The following ARFIP1 variants were observed in gnomAD, a reference collection of about 807,000 sequenced individuals.
ARFIP1 encodes ARF interacting protein 1.
Under a neutral mutation model 42.5 loss-of-function variants are expected in ARFIP1, and 24 were observed. The ratio of observed to expected loss-of-function variants is 0.57; its 90% CI spans 0.41 to 0.80. The LOEUF (loss-of-function observed/expected upper bound fraction) is 0.80. Among genes scored for constraint, ARFIP1 ranks in the 30% least tolerant of loss-of-function variants. The probability of loss-of-function intolerance (pLI) is 0.00; values close to 1 mark genes in which losing one functional copy is unlikely to be tolerated. For synonymous variants in ARFIP1, 141 were observed against 153.7 expected (o/e 0.92, Z 0.61); for missense variants, 354 against 434.0 (o/e 0.82, Z 1.64).
At chr4:152,879,870 A>G (rs1340005218) in intron 5 of ARFIP1, among the ~76,000 whole-genome samples, 1 of 152,062 alleles carries the variant, frequency 6.6e-6, no homozygotes. Context: ...AAACAAAACA[A>G]AAAATTGTAG....
chr4:152,837,135 T>C (rs1731716369), intron 2 of ARFIP1, among the ~76,000 whole-genome samples: 1 of 152,220 alleles, frequency 6.6e-6, no homozygotes, highest in Non-Finnish European at 1.5e-5. Flanking sequence ...CTGTGTAATA[T>C]TGCATCATAT....
At chr4:152,880,500 C>T (rs1735747880) in intron 5 of ARFIP1, among the ~76,000 whole-genome samples, 2 of 152,016 alleles carry the variant, frequency 1.3e-5, no homozygotes, top group African/African-American at 4.8e-5. Flanking sequence ...TCCTTCCTTC[C>T]TGTTTCTTCT....
intron 8 of ARFIP1, among the ~76,000 whole-genome samples, chr4:152,903,973 TAC>T (rs974823970): frequency 2.6e-5 from 4 of 152,108 alleles, no homozygotes; most frequent in African/African-American, 2.4e-5. Flanking sequence ...GCAAGGCCAG[TAC>T]ATGAATTAAA....
chr4:152,865,621 A>T (rs925182557), intron 3 of ARFIP1, among the ~76,000 whole-genome samples: 1 of 152,104 alleles, frequency 6.6e-6, no homozygotes, highest in Admixed American at 6.5e-5. Flanking sequence ...TTCTCTTTTC[A>T]TACTTATGTT....
At chr4:152,808,213 C>T (rs1729139207) in intron 1 of ARFIP1, among the ~76,000 whole-genome samples, 1 of 148,876 alleles carries the variant, frequency 6.7e-6, no homozygotes, top group African/African-American at 2.5e-5. Context: ...CTCCCGACCT[C>T]AGGTGATCTT....
At chr4:152,831,745 TGTTGCTTATAGCA>T (rs1731255707) in intron 2 of ARFIP1, among the ~76,000 whole-genome samples, 1 of 152,226 alleles carries the variant, frequency 6.6e-6, no homozygotes, top group African/African-American at 2.4e-5. Flanking sequence ...TCAGTCATAT[TGTTGCTTATAGCA>T]GTTTTTCTAT....
rs771661005 is a variant in ARFIP1 at position 152,847,124 on chromosome 4, C to CTTTTTTTTTTTTTTTTTTTTTTT, written c.94-16480_94-16458dup. On this transcript the variant is annotated intron_variant, in intron 2 of 8. Transcript: ENST00000353617. ...GTATGTTAATGTTTTTAGGTTTGTT[C>CTTTTTTTTTTTTTTTTTTTTTTT]TTTTTTTTTTTTTTTTTTTTTTTTG... Among the ~76,000 whole-genome samples, 127 of 40,552 alleles carry CTTTTTTTTTTTTTTTTTTTTTTT rather than the reference C, an allele frequency of 3.1e-3. 37 individuals carry two copies. Among genetic ancestry groups the CTTTTTTTTTTTTTTTTTTTTTTT allele is most frequent in the South Asian group, 4.9e-3 (4 of 814 alleles). The allele number at this position is 40,552 out of a possible 152,430, so 26.6% of individuals were successfully genotyped here.
At chr4:152,799,268 A>G (rs1043657434) in intron 1 of ARFIP1, among the ~76,000 whole-genome samples, 6 of 152,248 alleles carry the variant, frequency 3.9e-5, no homozygotes, top group Non-Finnish European at 8.8e-5. Context: ...CTGAATACAA[A>G]TAAATTAGTT....
Position 152,851,660 on chromosome 4 carries a change from G to T in ARFIP1, c.94-11946G>T, listed in dbSNP as rs562181343. ...CTGTCTCTGTCTAGTTTGAAGAATTGATTGCGGGACTGACAGTACTAGAGA... is the reference window on the plus strand; with the variant it reads ...CTGTCTCTGTCTAGTTTGAAGAATTTATTGCGGGACTGACAGTACTAGAGA... On this transcript the variant is annotated intron_variant, in intron 2 of 8. Transcript: ENST00000353617. Among the ~76,000 whole-genome samples, 16 of 152,304 alleles carry T rather than the reference G, an allele frequency of 1.1e-4. No homozygotes were observed. The South Asian group carries it at 1.2e-3, about 12-fold the overall frequency.
intron 1 of ARFIP1, among the ~76,000 whole-genome samples, chr4:152,824,736 G>A (rs1418303043): frequency 6.6e-6 from 1 of 152,134 alleles, no homozygotes; most frequent in Non-Finnish European, 1.5e-5. Flanking sequence ...ATCCAAATTG[G>A]AAAAGAGGAA....
chr4:152,783,630 A>G (rs746312905), intron 1 of ARFIP1, among the ~76,000 whole-genome samples: 7 of 152,198 alleles, frequency 4.6e-5, no homozygotes, highest in African/African-American at 1.4e-4. Flanking sequence ...GACAACTTCT[A>G]CCATGCGTCC....
chr4:152,889,790 T>C (rs28582801), intron 8 of ARFIP1, among the ~76,000 whole-genome samples: 42 of 20,732 alleles, frequency 2.0e-3, no homozygotes, highest in East Asian at 0.014. Context: ...ATACTATATA[T>C]TATATACTAT....
chr4:152,792,525 C>T (rs888039261), intron 1 of ARFIP1, among the ~76,000 whole-genome samples: 1 of 152,080 alleles, frequency 6.6e-6, no homozygotes, highest in Admixed American at 6.5e-5. Flanking sequence ...TATATGAGTA[C>T]CTGAATTTGA....
intron 2 of ARFIP1, among the ~76,000 whole-genome samples, chr4:152,848,289 T>TA (rs1306890252): frequency 6.6e-6 from 1 of 152,206 alleles, no homozygotes; most frequent in Non-Finnish European, 1.5e-5. Flanking sequence ...TTTTGGCACT[T>TA]ACTACCAAAG....
chr4:152,783,338 A>G (rs1283410258), intron 1 of ARFIP1, among the ~76,000 whole-genome samples: 1 of 152,212 alleles, frequency 6.6e-6, no homozygotes, highest in Admixed American at 6.5e-5. Flanking sequence ...AGACTAGCTT[A>G]TGCTAAATTA....
intron 8 of ARFIP1, among the ~76,000 whole-genome samples, chr4:152,890,797 T>C (rs1314831970): frequency 1.3e-5 from 2 of 152,294 alleles, no homozygotes; most frequent in South Asian, 2.1e-4. Context: ...GCTTCAGATA[T>C]AAAGGCTTGG....
At chr4:152,843,655 A>T (rs1377477279) in intron 2 of ARFIP1, among the ~76,000 whole-genome samples, 1 of 152,082 alleles carries the variant, frequency 6.6e-6, no homozygotes, top group Non-Finnish European at 1.5e-5. Context: ...TAGGAGGATT[A>T]TGGCTGCCTC....
rs915978750 is a variant in ARFIP1, at chr4:152,859,246, G to T, written c.94-4360G>T. On this transcript the variant is annotated intron_variant, in intron 2 of 8. Transcript: ENST00000353617. ...CCAGCTGAATTTTTGTATTTTTTTA[G>T]AGTTGGGGTTTTGCCATGTTGCCTA... is the stretch of plus-strand genomic sequence containing the variant. Among the ~76,000 whole-genome samples, 7 of 152,136 alleles carry T rather than the reference G, an allele frequency of 4.6e-5. No homozygotes were observed. In the East Asian group the frequency reaches 1.4e-3, roughly 29 times the overall value.
At chr4:152,895,894 G>A (rs949140604) in intron 8 of ARFIP1, among the ~76,000 whole-genome samples, 1 of 152,112 alleles carries the variant, frequency 6.6e-6, no homozygotes. Context: ...CAGTCACTGA[G>A]TTAGGTGATA....
Sources: gnomAD v4.1 joint callset for allele counts (sites outside exome capture counted in the v4.1 genomes callset) on GRCh38, gnomAD v4.1.1 for gene constraint, MANE v1.5 for transcripts, NCBI Gene and HGNC (gene_info 2026-07-23, HGNC 2026-07-21) for gene names.